ATG5: variants seen among roughly 807,000 people sequenced by gnomAD.
The protein encoded by ATG5 is autophagy related 5, also known as autophagy protein 5.
In ATG5, 14 loss-of-function variants were observed where a neutral mutation model predicts 36.5. That is an observed-to-expected ratio of 0.38 (90% CI 0.25 to 0.60). ATG5 has a LOEUF of 0.60. Ranked by LOEUF, ATG5 falls within the 20% of genes least tolerant of loss-of-function variation. ATG5 has a pLI of 0.60. For synonymous variants in ATG5, 95 were observed against 101.5 expected, an observed-to-expected ratio of 0.94 and a Z score of 0.38; for missense variants, 195 against 326.7, an observed-to-expected ratio of 0.60 and a Z score of 3.11.
At chr6:106,297,827 A>G (rs1770027071) in intron 3 of ATG5, among the ~76,000 whole-genome samples, 1 of 151,214 alleles carries the variant, frequency 6.6e-6, no homozygotes, top group African/African-American at 2.4e-5. Context: ...TCCTAGCACT[A>G]TGGAAGGCTG....
intron 7 of ATG5, among the ~76,000 whole-genome samples, chr6:106,196,769 T>C (rs1665353931): frequency 6.6e-6 from 1 of 150,896 alleles, no homozygotes; most frequent in Admixed American, 6.6e-5. Context: ...ATACAATTCT[T>C]TAAAGAAGTA....
At chr6:106,304,713 A>C (rs1199565220) in intron 3 of ATG5, among the ~76,000 whole-genome samples, 4 of 152,190 alleles carry the variant, frequency 2.6e-5, no homozygotes, top group Non-Finnish European at 5.9e-5. Context: ...GAATTTTGTG[A>C]AATTAAATAT....
chr6:106,215,434 C>CT (rs1776998242), intron 6 of ATG5, among the ~76,000 whole-genome samples: 1 of 152,036 alleles, frequency 6.6e-6, no homozygotes, highest in Non-Finnish European at 1.5e-5. Flanking sequence ...TATTTTGTTT[C>CT]TAACACAAAT....
rs1458693280 is a variant in ATG5 at position 106,185,688 on chromosome 6, T to C, written c.*852A>G. ...ATACTATGATTTGACAGGCTTACAG[T>C]GATAAAACAACAAAGATGAACAGTT... On this transcript the variant is annotated 3_prime_UTR_variant, in exon 8 of 8. Transcript: ENST00000369076. 1.3e-5 allele frequency: 2 copies of C among 152,294 alleles called. No individual in the cohort carries two copies. Among genetic ancestry groups the C allele is most frequent in the Non-Finnish European group, 2.9e-5 (2 of 68,034 alleles). The allele number at this position is 152,294 out of a possible 1,614,324, so 9.4% of individuals were successfully genotyped here. A position where few individuals can be genotyped will look rare whatever the true frequency, so the allele number is the denominator to read the frequency against.
intron 5 of ATG5, among the ~76,000 whole-genome samples, chr6:106,279,422 A>C (rs1260481912): frequency 6.6e-6 from 1 of 152,172 alleles, no homozygotes; most frequent in Non-Finnish European, 1.5e-5. Flanking sequence ...AGTTTATATG[A>C]CATATGCCAT....
At chr6:106,242,223 G>A (rs113081463) in intron 6 of ATG5, among the ~76,000 whole-genome samples, 3,749 of 152,018 alleles carry the variant, frequency 0.025, 63 homozygotes, top group African/African-American at 0.05. Context: ...CAAGCAAACC[G>A]CCTGCCTCAG....
At chr6:106,192,789 T>C (rs987078391) in intron 7 of ATG5, among the ~76,000 whole-genome samples, 25 of 152,202 alleles carry the variant, frequency 1.6e-4, no homozygotes, top group Non-Finnish European at 2.9e-5. Context: ...TTTTAAAAAA[T>C]AGAGCGACGA....
chr6:106,305,881 G>A (rs983945289), intron 3 of ATG5, among the ~76,000 whole-genome samples: 5 of 152,172 alleles, frequency 3.3e-5, no homozygotes, highest in Admixed American at 6.5e-5. Context: ...GAAGCAAAGA[G>A]AGAAAAGATC....
intron 5 of ATG5, among the ~76,000 whole-genome samples, chr6:106,248,776 T>G (rs1469367189): frequency 6.6e-6 from 1 of 151,994 alleles, no homozygotes. Context: ...CCGTCTCTAT[T>G]AAAAATACAA....
chr6:106,208,698 T>A (rs1285029813), intron 6 of ATG5, among the ~76,000 whole-genome samples: 1 of 152,228 alleles, frequency 6.6e-6, no homozygotes, highest in Non-Finnish European at 1.5e-5. Flanking sequence ...GCTAAGCTTT[T>A]GTTCTGCAAA....
chr6:106,209,610 T>C (rs989585627), intron 6 of ATG5, among the ~76,000 whole-genome samples: 8 of 152,126 alleles, frequency 5.3e-5, no homozygotes, highest in Admixed American at 2.6e-4. Flanking sequence ...ATTTTGAATA[T>C]AGGGTGAATT....
At chr6:106,307,377 C>A (rs1245975249) in intron 3 of ATG5, among the ~76,000 whole-genome samples, 1 of 151,950 alleles carries the variant, frequency 6.6e-6, no homozygotes, top group African/African-American at 2.4e-5. Context: ...TCCAGCATAC[C>A]TTCAACTATT....
At chr6:106,231,577 G>A (rs1369635774) in intron 6 of ATG5, among the ~76,000 whole-genome samples, 2 of 150,412 alleles carry the variant, frequency 1.3e-5, no homozygotes, top group Non-Finnish European at 3.0e-5. Flanking sequence ...TATAACACAG[G>A]GAAAGGAAGA....
At chr6:106,230,550 GT>G (rs746901779) in intron 6 of ATG5, among the ~76,000 whole-genome samples, 1 of 152,118 alleles carries the variant, frequency 6.6e-6, no homozygotes, top group Non-Finnish European at 1.5e-5. Context: ...TCCATGGGTG[GT>G]TACACACCCC....
chr6:106,226,096 T>C (rs1028940898), intron 6 of ATG5, among the ~76,000 whole-genome samples: 5 of 152,338 alleles, frequency 3.3e-5, no homozygotes, highest in African/African-American at 1.2e-4. Context: ...TTGCTTGCCG[T>C]ATCATTGAAG....
At chr6:106,219,263 T>C (rs776118520) in intron 6 of ATG5, among the ~76,000 whole-genome samples, 3 of 152,200 alleles carry the variant, frequency 2.0e-5, no homozygotes, top group African/African-American at 4.8e-5. Context: ...TTTCTATATT[T>C]CATGTCATTT....
intron 5 of ATG5, among the ~76,000 whole-genome samples, chr6:106,261,505 CA>C (rs1341369661): frequency 2.6e-5 from 4 of 152,220 alleles, no homozygotes; most frequent in Admixed American, 2.6e-4. Flanking sequence ...TGGGTTAGCC[CA>C]CACTGTGAAC....
intron 4 of ATG5, among the ~76,000 whole-genome samples, chr6:106,285,146 G>A (rs771210776): frequency 2.0e-5 from 3 of 151,930 alleles, no homozygotes; most frequent in Non-Finnish European, 2.9e-5. Flanking sequence ...AACTTCTATC[G>A]ATCTGTCTTT....
chr6:106,209,244 G>T (rs555703971), intron 6 of ATG5, among the ~76,000 whole-genome samples: 1 of 152,060 alleles, frequency 6.6e-6, no homozygotes, highest in Admixed American at 6.6e-5. Context: ...TGTTTTATTC[G>T]TGAGAGTCAA....
Sources: allele counts gnomAD v4.1 joint callset (sites outside exome capture counted in the v4.1 genomes callset), GRCh38; gene constraint gnomAD v4.1.1; transcripts MANE v1.5; gene names NCBI Gene and HGNC (gene_info 2026-07-23, HGNC 2026-07-21).